Variants in MIA2 observed in about 807,000 individuals in gnomAD.
MIA2 encodes melanoma inhibitory activity protein 2.
A neutral mutation model predicts 167.8 loss-of-function variants in MIA2; 127 were observed. The ratio of observed to expected loss-of-function variants is 0.76; its 90% CI spans 0.66 to 0.88. The LOEUF (loss-of-function observed/expected upper bound fraction) is 0.88. Ranked by LOEUF, MIA2 falls within the 40% of genes least tolerant of loss-of-function variation. The pLI is 0.00. For missense variants in MIA2, 1,690 were observed against 1,624.7 expected (o/e 1.04, Z -0.69); for synonymous variants, 552 against 541.9 (o/e 1.02, Z -0.26).
chr14:39,278,795 TTA>T (rs1181373588), intron 7 of MIA2, among the ~76,000 whole-genome samples: 1 of 81,208 alleles, frequency 1.2e-5, no homozygotes, highest in Non-Finnish European at 2.8e-5. Flanking sequence ...ACAAGTATCT[TTA>T]GAGTAAAGTT....
At chr14:39,342,185 C>T (rs140188739) in intron 25 of MIA2, among the ~76,000 whole-genome samples, 2,792 of 149,124 alleles carry the variant, frequency 0.019, 98 homozygotes, top group African/African-American at 0.063. Context: ...CAACAGTCCC[C>T]GGTGTGTGAT....
At chr14:39,313,074 T>C (rs1048860568) in intron 18 of MIA2, among the ~76,000 whole-genome samples, 2 of 152,168 alleles carry the variant, frequency 1.3e-5, no homozygotes, top group South Asian at 4.1e-4. Flanking sequence ...TCTTTGATCC[T>C]ATTTTTAAGA....
chr14:39,366,992 G>A (rs759481516), intron 23 of MIA2, among the ~76,000 whole-genome samples: 1 of 152,210 alleles, frequency 6.6e-6, no homozygotes. Flanking sequence ...AGTGGCGCAC[G>A]CTTGGGTCCC....
intron 17 of MIA2, among the ~76,000 whole-genome samples, chr14:39,307,983 C>G (rs1367033321): frequency 6.6e-6 from 1 of 151,996 alleles, no homozygotes; most frequent in African/African-American, 2.4e-5. Flanking sequence ...TTAGCAGATA[C>G]AAAATTATAA....
intron 18 of MIA2, 137 bp from the exon 19 acceptor site, chr14:39,313,203 T>C (rs1355350761): frequency 2.3e-6 from 1 of 435,038 alleles, no homozygotes; most frequent in African/African-American, 2.0e-5. Context: ...ATACTTTTTT[T>C]TTCCTTGTAG....
At chr14:39,305,748 C>T (rs1318991879) in intron 17 of MIA2, among the ~76,000 whole-genome samples, 1 of 152,084 alleles carries the variant, frequency 6.6e-6, no homozygotes, top group Non-Finnish European at 1.5e-5. Flanking sequence ...CCAGCTTGGT[C>T]AACATGGTGA....
chr14:39,386,977 T>C, exon 24 of MIA2: 1 of 772,042 alleles, frequency 1.3e-6, no homozygotes, highest in Non-Finnish European at 2.2e-6. Flanking sequence ...CGGATGAGAC[T>C]AACGAGATCT....
At chr14:39,306,137 G>C (rs944239104) in intron 17 of MIA2, among the ~76,000 whole-genome samples, 1 of 151,792 alleles carries the variant, frequency 6.6e-6, no homozygotes, top group Admixed American at 6.6e-5. Context: ...AAAAATTTCT[G>C]TGGAAAGATA....
At chr14:39,266,754 T>C (rs971920971) in intron 6 of MIA2, 6 of 980,800 alleles carry the variant, frequency 6.1e-6, no homozygotes, top group Middle Eastern at 5.3e-4. Context: ...TCAGGACTTC[T>C]GCAGGGCGCA....
At chr14:39,360,706 G>T (rs2074663912) in intron 23 of MIA2, among the ~76,000 whole-genome samples, 1 of 152,028 alleles carries the variant, frequency 6.6e-6, no homozygotes, top group South Asian at 2.1e-4. Flanking sequence ...CTGTGCTTTT[G>T]AAGTCTTAAC....
At chr14:39,266,776 C>T (rs927281293) in intron 6 of MIA2, 3 of 983,654 alleles carry the variant, frequency 3.0e-6, no homozygotes, top group Non-Finnish European at 3.6e-6. Flanking sequence ...ACAGCAGGCT[C>T]CAGCGAGGCT....
chr14:39,270,430 A>G (rs2152702246), intron 6 of MIA2, among the ~76,000 whole-genome samples: 1 of 151,920 alleles, frequency 6.6e-6, no homozygotes, highest in Middle Eastern at 3.4e-3. Context: ...CGATCTCCTG[A>G]CCTTGTGATC....
intron 23 of MIA2, among the ~76,000 whole-genome samples, chr14:39,365,982 A>G (rs754710251): frequency 5.3e-5 from 8 of 152,194 alleles, no homozygotes; most frequent in Non-Finnish European, 1.0e-4. Context: ...TTGTAGGGCC[A>G]GACTTTTTCC....
chr14:39,266,984 A>C (rs1323943207), intron 6 of MIA2: 42 of 775,746 alleles, frequency 5.4e-5, no homozygotes, highest in Admixed American at 6.0e-5. Context: ...TATGAGGCCG[A>C]ATCTCATCCT....
intron 6 of MIA2, among the ~76,000 whole-genome samples, chr14:39,255,458 AG>A (rs769299921): frequency 3.7e-4 from 57 of 152,344 alleles, no homozygotes; most frequent in Non-Finnish European, 6.3e-4. Flanking sequence ...CAGTGAGCCA[AG>A]ATCATGCCAC....
chr14:39,381,447 A>C (rs2075159444), intron 23 of MIA2, among the ~76,000 whole-genome samples: 1 of 152,204 alleles, frequency 6.6e-6, no homozygotes, highest in Non-Finnish European at 1.5e-5. Flanking sequence ...GCTGGGACAA[A>C]TTGCTTATAT....
At chr14:39,237,369 C>T (rs956131784) in intron 2 of MIA2, 24 of 323,588 alleles carry the variant, frequency 7.4e-5, no homozygotes, top group Middle Eastern at 9.9e-4. Flanking sequence ...CTAAAGTAAT[C>T]TGCCTGCTTC....
At chr14:39,365,856 T>C (rs1231594021) in intron 23 of MIA2, among the ~76,000 whole-genome samples, 2 of 152,214 alleles carry the variant, frequency 1.3e-5, no homozygotes, top group African/African-American at 4.8e-5. Context: ...TGGAGAATTA[T>C]TTTGTTTCTC....
chr14:39,367,089 G>A (rs1285441053), intron 23 of MIA2, among the ~76,000 whole-genome samples: 1 of 152,166 alleles, frequency 6.6e-6, no homozygotes, highest in East Asian at 1.9e-4. Context: ...TTTATCAATG[G>A]CAGTAGCTTT....
Sources: gnomAD v4.1 joint callset for allele counts (sites outside exome capture counted in the v4.1 genomes callset) on GRCh38, gnomAD v4.1.1 for gene constraint, MANE v1.5 for transcripts, NCBI Gene and HGNC (gene_info 2026-07-23, HGNC 2026-07-21) for gene names.